The following UBE2L3 variants were observed in gnomAD, a reference collection of about 807,000 sequenced individuals.
UBE2L3 encodes the protein ubiquitin-conjugating enzyme E2 L3.
In UBE2L3, 1 loss-of-function variant was observed where a neutral mutation model predicts 17.8. The ratio of observed to expected loss-of-function variants is 0.06; its 90% CI spans 0.02 to 0.27. UBE2L3 has a LOEUF of 0.27. UBE2L3 is among the 10% of genes least tolerant of loss of function. The pLI is 1.00. For synonymous variants in UBE2L3, 44 were observed against 68.5 expected (o/e 0.64, Z 1.76); for missense variants, 40 against 192.6 (o/e 0.21, Z 4.69).
intron 1 of UBE2L3, among the ~76,000 whole-genome samples, chr22:21,583,437 A>G (rs1363385332): frequency 1.3e-5 from 2 of 152,230 alleles, no homozygotes; most frequent in Non-Finnish European, 2.9e-5. Context: ...ATAAAATGAC[A>G]CAGTGGTATG....
At chr22:21,594,214 C>G (rs1223460009) in intron 2 of UBE2L3, among the ~76,000 whole-genome samples, 1 of 152,268 alleles carries the variant, frequency 6.6e-6, no homozygotes, top group African/African-American at 2.4e-5. Flanking sequence ...ATAATTTGTT[C>G]TCATGGATGG....
chr22:21,594,472 C>G (rs138265404), intron 2 of UBE2L3, among the ~76,000 whole-genome samples: 112 of 150,658 alleles, frequency 7.4e-4, no homozygotes, highest in Admixed American at 2.0e-3. Flanking sequence ...CATGCTCCCT[C>G]CTGTAGATGC....
At chr22:21,590,689 T>C (rs1417507704) in intron 1 of UBE2L3, among the ~76,000 whole-genome samples, 1 of 152,260 alleles carries the variant, frequency 6.6e-6, no homozygotes, top group East Asian at 1.9e-4. Context: ...TAAAACATTT[T>C]GTTTGCTAGG....
chr22:21,585,247 G>A lies in UBE2L3; in HGVS notation c.28-7614G>A, dbSNP rs5994603. 6.1e-3 allele frequency among the ~76,000 whole-genome samples: 932 copies of A among 152,308 alleles called. 6 individuals carry two copies. Among genetic ancestry groups the A allele is most frequent in the African/African-American group, 0.021 (863 of 41,580 alleles). On this transcript the variant is annotated intron_variant, in intron 1 of 3. Transcript: ENST00000342192. ...CCTGGACGCTAAACATGGCACAAAC[G>A]ATTGGTCAGCTAAACCAGTCAGTTT...
intron 1 of UBE2L3, among the ~76,000 whole-genome samples, chr22:21,588,843 T>C (rs1310487438): frequency 6.6e-6 from 1 of 151,986 alleles, no homozygotes; most frequent in Non-Finnish European, 1.5e-5. Flanking sequence ...TTTGTATTTT[T>C]AGTAGAGACG....
chr22:21,605,732 C>T (rs1195914017), intron 2 of UBE2L3, among the ~76,000 whole-genome samples: 3 of 152,244 alleles, frequency 2.0e-5, no homozygotes, highest in African/African-American at 4.8e-5. Flanking sequence ...TCTCAAACTC[C>T]TGGCCTCAAG....
intron 2 of UBE2L3, among the ~76,000 whole-genome samples, chr22:21,600,238 G>T (rs1004117669): frequency 3.9e-5 from 6 of 152,076 alleles, no homozygotes; most frequent in Non-Finnish European, 8.8e-5. Context: ...GCTTGAACCG[G>T]GGAGGTGGAG....
chr22:21,614,521 C>T lies in UBE2L3; in HGVS notation c.310+3478C>T, dbSNP rs749523084. 3.0e-6 allele frequency: 4 copies of T among 1,320,024 alleles called. No homozygotes were observed. The East Asian group carries it at 1.8e-4, about 61-fold the overall frequency. 81.8% of individuals were successfully genotyped at this position (1,320,024 alleles called of 1,614,324 possible). A position where few individuals can be genotyped will look rare whatever the true frequency, so the allele number is the denominator to read the frequency against. On this transcript the variant is annotated intron_variant, in intron 3 of 3. Transcript: ENST00000342192. ...CGCTCTTCCTTTGTCTCCAGAGCAC[C>T]TGCTCATGATTTTTGTCTCCTGCCC...
At chr22:21,618,428 T>TGGTG (rs1467778885) in intron 3 of UBE2L3, among the ~76,000 whole-genome samples, 1 of 151,750 alleles carries the variant, frequency 6.6e-6, no homozygotes, top group Non-Finnish European at 1.5e-5. Flanking sequence ...TAGCCGGGCA[T>TGGTG]GGTGGCAGGT....
intron 2 of UBE2L3, among the ~76,000 whole-genome samples, chr22:21,608,841 C>G (rs1929318042): frequency 6.6e-6 from 1 of 151,004 alleles, no homozygotes; most frequent in African/African-American, 2.4e-5. Context: ...CCTGGCCTCC[C>G]ACAGTGCTCA....
chr22:21,603,529 TAAAAAAAAAAAA>T (rs780658850), intron 2 of UBE2L3, among the ~76,000 whole-genome samples: 3 of 79,978 alleles, frequency 3.8e-5, no homozygotes, highest in African/African-American at 4.9e-5. Context: ...GACTCTGTCT[TAAAAAAAAAAAA>T]AAAAAAAAAA....
intron 3 of UBE2L3, among the ~76,000 whole-genome samples, chr22:21,615,032 G>A (rs193276455): frequency 3.5e-4 from 53 of 152,254 alleles, no homozygotes; most frequent in African/African-American, 1.1e-3. Flanking sequence ...GCGGGCGCCT[G>A]TAATCCCAGC....
At position 21,553,026 on chromosome 22, in the gene UBE2L3, C is replaced by CTTTATTTTATTTTAT. The variant is rs376702499; in HGVS notation, c.201+3405_201+3419dup. The stretch of plus-strand genomic sequence containing the variant: ...CAGGCGTGAGCCACCGCGCATGGCC[C>CTTTATTTTATTTTAT]TTTATTTTATTTTATTTTATTTTAT... On this transcript the variant is annotated intron_variant, in intron 1 of 3. Transcript: ENST00000458578. 2.9e-3 allele frequency among the ~76,000 whole-genome samples: 20 copies of CTTTATTTTATTTTAT among 6,862 alleles called. 2 individuals are homozygous for CTTTATTTTATTTTAT. Among genetic ancestry groups the CTTTATTTTATTTTAT allele is most frequent in the South Asian group, 6.0e-3 (3 of 500 alleles). 4.5% of individuals were successfully genotyped at this position (6,862 alleles called of 152,430 possible). A position where few individuals can be genotyped will look rare whatever the true frequency, so the allele number is the denominator to read the frequency against.
chr22:21,597,508 G>C (rs937075226), intron 2 of UBE2L3, among the ~76,000 whole-genome samples: 1 of 152,030 alleles, frequency 6.6e-6, no homozygotes, highest in Non-Finnish European at 1.5e-5. Context: ...TGTTGCCCAG[G>C]CTAGTCTTGA....
At chr22:21,617,082 C>T (rs7289272) in intron 3 of UBE2L3, among the ~76,000 whole-genome samples, 11,749 of 148,810 alleles carry the variant, frequency 0.079, 1,621 homozygotes, top group African/African-American at 0.28. Flanking sequence ...TGGTTGCGGG[C>T]ACCTGTAGTC....
intron 1 of UBE2L3, among the ~76,000 whole-genome samples, chr22:21,577,189 C>T (rs1361931500): frequency 2.0e-5 from 3 of 151,746 alleles, no homozygotes; most frequent in African/African-American, 4.8e-5. Flanking sequence ...AGGATGGTCT[C>T]GATCTCCTGA....
intron 1 of UBE2L3, among the ~76,000 whole-genome samples, chr22:21,591,973 G>A (rs1249451620): frequency 2.0e-5 from 3 of 152,144 alleles, no homozygotes; most frequent in South Asian, 2.1e-4. Context: ...GGGTTATAGC[G>A]CCTGCCAGGC....
intron 1 of UBE2L3, among the ~76,000 whole-genome samples, chr22:21,586,087 C>A (rs1464683725): frequency 6.6e-6 from 1 of 151,958 alleles, no homozygotes; most frequent in African/African-American, 2.4e-5. Context: ...AGGCATACAT[C>A]AACACACCTG....
At chr22:21,566,927 C>G (rs1427785399), upstream of UBE2L3, among the ~76,000 whole-genome samples, 2 of 152,180 alleles carry the variant, frequency 1.3e-5, no homozygotes, top group Non-Finnish European at 2.9e-5. Context: ...TTGGGCAAGT[C>G]ACTGGCTTCT....
Sources: allele counts gnomAD v4.1 joint callset (sites outside exome capture counted in the v4.1 genomes callset), GRCh38; gene constraint gnomAD v4.1.1; transcripts MANE v1.5; gene names NCBI Gene and HGNC (gene_info 2026-07-23, HGNC 2026-07-21).